SLC25A36: variants seen among roughly 807,000 people sequenced by gnomAD.
SLC25A36 encodes the protein epididymis secretory sperm binding protein.
SLC25A36 carries 24 observed loss-of-function variants against 35.3 expected under a neutral mutation model. The observed-to-expected ratio is 0.68, with a 90% confidence interval of 0.49 to 0.96. The LOEUF is 0.96. Among genes scored for constraint, SLC25A36 ranks in the 40% least tolerant of loss-of-function variants. SLC25A36 has a pLI of 0.00. For synonymous variants in SLC25A36, 141 were observed against 132.2 expected (o/e 1.07, Z -0.46); for missense variants, 294 against 381.1 (o/e 0.77, Z 1.90).
chr3:140,959,407 A>G (rs1365214740), intron 2 of SLC25A36, 56 bp from the exon 3 acceptor site: 3 of 937,712 alleles, frequency 3.2e-6, no homozygotes, highest in Admixed American at 3.5e-5. Context: ...TACAAAGTAA[A>G]TAAAGTACCA....
chr3:140,950,754 G>A (rs577118359), intron 1 of SLC25A36, among the ~76,000 whole-genome samples: 1 of 152,276 alleles, frequency 6.6e-6, no homozygotes, highest in East Asian at 1.9e-4. Context: ...GTCCTTGAAA[G>A]ATTGCAGTAG....
intron 4 of SLC25A36, chr3:140,967,863 C>A: frequency 6.6e-6 from 3 of 451,408 alleles, no homozygotes; most frequent in Non-Finnish European, 8.8e-6. Flanking sequence ...TCTTAACTTA[C>A]AAATGGATCC....
In SLC25A36 at chr3:140,977,800, C is replaced by T. The variant is rs1255649790; in HGVS notation, c.*1347C>T. On this transcript the variant is annotated 3_prime_UTR_variant, in exon 7 of 7. Coordinates refer to ENST00000324194, the MANE Select transcript of SLC25A36 (RefSeq NM_001104647.3). ...CGCAATTGGACGCCGGTGTGGTACT[C>T]ATTTCAGTATACCTGAACTGTACAT... 1 of 151,988 alleles carries T rather than the reference C, an allele frequency of 6.6e-6. No individual in the cohort carries two copies. Among genetic ancestry groups the T allele is most frequent in the East Asian group, 1.9e-4 (1 of 5,186 alleles). 9.4% of individuals were successfully genotyped at this position (151,988 alleles called of 1,614,324 possible).
At chr3:140,952,522 C>A (rs987349061) in intron 1 of SLC25A36, among the ~76,000 whole-genome samples, 18 of 152,094 alleles carry the variant, frequency 1.2e-4, no homozygotes, top group African/African-American at 4.1e-4. Context: ...GTTGGTCTGG[C>A]CACAAAATAT....
rs995972060 is a variant in SLC25A36 at position 140,942,020 on chromosome 3, C to G, written c.-35C>G. 1 of 1,315,676 alleles carries G rather than the reference C, an allele frequency of 7.6e-7. No individual in the cohort carries two copies. The highest frequency in any genetic ancestry group is 1.3e-5 in the South Asian group (1 of 78,136). 81.5% of individuals were successfully genotyped at this position (1,315,676 alleles called of 1,614,324 possible). A position where few individuals can be genotyped will look rare whatever the true frequency, so the allele number is the denominator to read the frequency against. On this transcript the variant is annotated 5_prime_UTR_variant, in exon 1 of 7. Coordinates refer to ENST00000324194, the MANE Select transcript of SLC25A36 (RefSeq NM_001104647.3). ...CGTAGCGGGCGGCCAGATCCGCGTC[C>G]CGCCTCAGCGGCCGGAGGACATGCG...
At chr3:140,944,197 G>A (rs967804020) in intron 1 of SLC25A36, among the ~76,000 whole-genome samples, 2 of 152,174 alleles carry the variant, frequency 1.3e-5, no homozygotes, top group Admixed American at 6.5e-5. Flanking sequence ...TTAGGCAAGG[G>A]TTTTCCGAAT....
rs866013651 is a variant in SLC25A36 at position 140,950,910 on chromosome 3, C to G, written c.42-5617C>G. ...TGTGTGTGTGTGTCTCTGTGTGTGT[C>G]TGTGTGTCTGTGTGTGTGTGTGTGT... On this transcript the variant is annotated intron_variant, in intron 1 of 6. Transcript: ENST00000324194. 1.8e-3 allele frequency among the ~76,000 whole-genome samples: 201 copies of G among 110,536 alleles called. 1 individual carries two copies. Among genetic ancestry groups the G allele is most frequent in the African/African-American group, 6.4e-3 (123 of 19,330 alleles). 72.5% of individuals were successfully genotyped at this position (110,536 alleles called of 152,430 possible). A position where few individuals can be genotyped will look rare whatever the true frequency, so the allele number is the denominator to read the frequency against.
chr3:140,971,211 T>G (rs965244123), intron 5 of SLC25A36, among the ~76,000 whole-genome samples: 1 of 152,126 alleles, frequency 6.6e-6, no homozygotes, highest in Non-Finnish European at 1.5e-5. Context: ...TGTTTTGTTT[T>G]GTTTTAAAAA....
intron 1 of SLC25A36, among the ~76,000 whole-genome samples, chr3:140,944,617 G>A (rs1934113780): frequency 6.6e-6 from 1 of 152,112 alleles, no homozygotes; most frequent in African/African-American, 2.4e-5. Flanking sequence ...ATCTACAGAG[G>A]CAGCTCATTT....
chr3:140,972,283 G>GC (rs1239479091), intron 5 of SLC25A36, among the ~76,000 whole-genome samples: 1 of 152,104 alleles, frequency 6.6e-6, no homozygotes, highest in Non-Finnish European at 1.5e-5. Context: ...TGTAACACAA[G>GC]CTGGCACAAT....
intron 2 of SLC25A36, among the ~76,000 whole-genome samples, chr3:140,958,867 T>C (rs1934548720): frequency 6.6e-6 from 1 of 152,056 alleles, no homozygotes; most frequent in African/African-American, 2.4e-5. Context: ...TCTTAATCTT[T>C]CAGGAAAGAA....
intron 4 of SLC25A36, chr3:140,963,721 T>G (rs1413444990): frequency 6.5e-6 from 1 of 153,840 alleles, no homozygotes; most frequent in Non-Finnish European, 1.4e-5. Flanking sequence ...TTACTATGTG[T>G]ATTTTTTAAA....
intron 4 of SLC25A36, among the ~76,000 whole-genome samples, chr3:140,968,920 A>C (rs368541420): frequency 6.6e-6 from 1 of 151,818 alleles, no homozygotes; most frequent in South Asian, 2.1e-4. Context: ...AAAAGCAAAT[A>C]GTTTTTCTTA....
chr3:140,961,290 T>TA (rs1934619847), intron 3 of SLC25A36, among the ~76,000 whole-genome samples: 1 of 152,228 alleles, frequency 6.6e-6, no homozygotes, highest in South Asian at 2.1e-4. Context: ...GTGCTTTACA[T>TA]AAACTGAATA....
At chr3:140,961,284 T>G (rs1934619659) in intron 3 of SLC25A36, among the ~76,000 whole-genome samples, 2 of 152,218 alleles carry the variant, frequency 1.3e-5, no homozygotes, top group South Asian at 4.1e-4. Flanking sequence ...TTTATTGTGC[T>G]TTACATAAAC....
At chr3:140,967,055 A>G (rs1336294309) in intron 4 of SLC25A36, 1 of 456,084 alleles carries the variant, frequency 2.2e-6, no homozygotes, top group African/African-American at 2.0e-5. Context: ...TGATCTGAGC[A>G]TCTCTTGCAG....
At chr3:140,947,115 G>T (rs937452869) in intron 1 of SLC25A36, among the ~76,000 whole-genome samples, 1 of 152,200 alleles carries the variant, frequency 6.6e-6, no homozygotes, top group Non-Finnish European at 1.5e-5. Flanking sequence ...GATCTAGAAA[G>T]GAGTAAGTGA....
At chr3:140,959,771 C>G (rs1934582626) in intron 3 of SLC25A36, among the ~76,000 whole-genome samples, 1 of 152,080 alleles carries the variant, frequency 6.6e-6, no homozygotes, top group Admixed American at 6.5e-5. Flanking sequence ...ATTTTGAAGA[C>G]TTAACAGTAT....
chr3:140,980,825 C>G lies in SLC25A36; in HGVS notation c.*4372C>G, dbSNP rs556613543. On this transcript the variant is annotated 3_prime_UTR_variant, in exon 7 of 7. Transcript: ENST00000324194. ...AAGCGATTCTGCCTCAGCCTGACTT[C>G]CCTTCTGTTTCTTTATTTTCGCACT... is the stretch of plus-strand genomic sequence containing the variant. 6.6e-6 allele frequency among the ~76,000 whole-genome samples: 1 copy of G among 151,370 alleles called. No individual in the cohort carries two copies. The highest frequency in any genetic ancestry group is 6.6e-5 in the Admixed American group (1 of 15,094).
Sources: gnomAD v4.1 joint callset for allele counts (sites outside exome capture counted in the v4.1 genomes callset) on GRCh38, gnomAD v4.1.1 for gene constraint, MANE v1.5 for transcripts, NCBI Gene and HGNC (gene_info 2026-07-23, HGNC 2026-07-21) for gene names.